Variants in TBX5 observed in about 807,000 individuals in gnomAD.
TBX5 encodes the protein T-box transcription factor TBX5.
TBX5 carries 8 observed loss-of-function variants against 51.1 expected under a neutral mutation model. The ratio of observed to expected loss-of-function variants is 0.16; its 90% confidence interval spans 0.09 to 0.28. The LOEUF is 0.28. Among genes scored for constraint, TBX5 ranks in the 10% least tolerant of loss-of-function variants. TBX5 has a pLI of 1.00. For missense variants in TBX5, 589 were observed against 671.7 expected (o/e 0.88, Z 1.36); for synonymous variants, 302 against 266.4 (o/e 1.13, Z -1.30).
intron 4 of TBX5, 107 bp downstream of exon 4, chr12:114,399,406 G>GTAGGAA: frequency 6.6e-7 from 1 of 1,506,274 alleles, no homozygotes; most frequent in South Asian, 1.1e-5. Context: ...TTAGCACACA[G>GTAGGAA]TAGGAACTAA....
intron 7 of TBX5, among the ~76,000 whole-genome samples, chr12:114,372,948 G>A (rs1412547652): frequency 6.7e-6 from 1 of 148,976 alleles, no homozygotes; most frequent in Non-Finnish European, 1.5e-5. Flanking sequence ...AAAATGAAAT[G>A]ATGCATGGAA....
At chr12:114,386,744 C>T (rs1870834825) in intron 6 of TBX5, among the ~76,000 whole-genome samples, 1 of 152,086 alleles carries the variant, frequency 6.6e-6, no homozygotes, top group African/African-American at 2.4e-5. Context: ...TTAACACAAA[C>T]CAGTACTGAA....
rs573129871 is a variant in TBX5, at chr12:114,363,462, C to T, written c.982+2703G>A. On this transcript the variant is annotated intron_variant, in intron 8 of 8. Coordinates refer to ENST00000405440, the MANE Select transcript of TBX5 (RefSeq NM_181486.4). ...TGTAAATATTGAACCTAAAAAGCAC[C>T]ATGATCCTTTTTAACTTCTTCCTGC... Among the ~76,000 whole-genome samples the T allele has an allele frequency of 3.9e-5, 6 of 152,300 alleles. No homozygotes were observed. The South Asian group carries it at 1.2e-3, about 32-fold the overall frequency.
chr12:114,380,488 TC>T (rs1271231314), intron 7 of TBX5, among the ~76,000 whole-genome samples: 1 of 152,214 alleles, frequency 6.6e-6, no homozygotes, highest in Non-Finnish European at 1.5e-5. Context: ...CTTCTTTTCT[TC>T]CTTTCTTAGA....
At chr12:114,401,968 G>A (rs1242467807) in intron 2 of TBX5, 48 bp from the exon 3 acceptor site, 3 of 1,543,016 alleles carry the variant, frequency 1.9e-6, no homozygotes, top group East Asian at 2.2e-5. Context: ...GGCAGTAGTG[G>A]GCATTCCTTC....
At chr12:114,387,747 C>A (rs1299466205) in intron 6 of TBX5, among the ~76,000 whole-genome samples, 1 of 152,110 alleles carries the variant, frequency 6.6e-6, no homozygotes. Context: ...GTGGGGGTGG[C>A]TGTGCATGTG....
intron 6 of TBX5, among the ~76,000 whole-genome samples, chr12:114,388,628 C>G (rs1361103123): frequency 6.6e-6 from 1 of 151,334 alleles, no homozygotes; most frequent in Non-Finnish European, 1.5e-5. Flanking sequence ...TACACATGAG[C>G]CACTATTCCT....
Position 114,385,456 on chromosome 12 carries a change from T to G in TBX5, c.755+20A>C. 6.2e-7 allele frequency: 1 copy of G among 1,606,576 alleles called. No homozygotes were observed. The highest frequency in any genetic ancestry group is 8.5e-7 in the Non-Finnish European group (1 of 1,173,168). ...GAGGGGTATGTGGGGAGGAGAAAGT[T>G]GAGGAATCCACTTTCCTACCTTTGC... On this transcript the variant is annotated intron_variant, in intron 7 of 8. Coordinates refer to ENST00000405440, the MANE Select transcript of TBX5 (RefSeq NM_181486.4).
At position 114,403,814 on chromosome 12, in the gene TBX5, C is replaced by A; in HGVS notation, c.85G>T (p.Glu29Ter). Residue 29 changes from glutamate (E) to a stop codon, truncating the protein, a stop_gained, in exon 2 of 9, where the codon GAG becomes TAG. Transcript: ENST00000405440. LOFTEE classifies it high-confidence loss of function. ...TTGCTGGGGGCCCCGAGCGCGCTCTCGGGTTTCGAATCGCAGGGCAGGTCT... is the reference window on the plus strand; with the variant it reads ...TTGCTGGGGGCCCCGAGCGCGCTCTAGGGTTTCGAATCGCAGGGCAGGTCT... ...AKDLPCDSKP[E>*]SALGAPSKSP... The A allele has an allele frequency of 1.2e-6, 2 of 1,614,052 alleles. No individual in the cohort carries two copies. The highest frequency in any genetic ancestry group is 8.5e-7 in the Non-Finnish European group (1 of 1,180,004).
intron 8 of TBX5, among the ~76,000 whole-genome samples, chr12:114,361,554 C>T (rs1257852118): frequency 6.6e-6 from 1 of 152,070 alleles, no homozygotes. Flanking sequence ...CTCAGTCCAT[C>T]GGGAGAGATA....
rs1868820868 is a variant in TBX5, at chr12:114,355,405, T to G, written c.*127A>C. On this transcript the variant is annotated 3_prime_UTR_variant, in exon 9 of 9. Coordinates refer to ENST00000405440, the MANE Select transcript of TBX5 (RefSeq NM_181486.4). ...CATCCAGCGACCTTGAGTGCAGATG[T>G]GAACATTGGGTGAAATGAAAAATCT... 10 of 1,223,288 alleles carry G rather than the reference T, an allele frequency of 8.2e-6. 1 individual carries two copies. The East Asian group carries it at 2.5e-4, about 31-fold the overall frequency. The allele number at this position is 1,223,288 out of a possible 1,614,324, so 75.8% of individuals were successfully genotyped here.
chr12:114,392,322 C>T (rs1420482363), intron 6 of TBX5, among the ~76,000 whole-genome samples: 1 of 152,030 alleles, frequency 6.6e-6, no homozygotes, highest in Non-Finnish European at 1.5e-5. Flanking sequence ...TCACAAATGG[C>T]TGCAGTGACA....
intron 7 of TBX5, among the ~76,000 whole-genome samples, chr12:114,380,187 GC>G (rs1442384090): frequency 6.6e-6 from 1 of 152,124 alleles, no homozygotes; most frequent in Non-Finnish European, 1.5e-5. Context: ...CCCAGCTCCA[GC>G]CCCTTTGGCT....
chr12:114,390,868 A>C (rs1240731185), intron 6 of TBX5, among the ~76,000 whole-genome samples: 1 of 152,254 alleles, frequency 6.6e-6, no homozygotes. Flanking sequence ...CGTGTTTCAC[A>C]GAATGAACGT....
At chr12:114,357,260 A>G (rs1410223159) in intron 8 of TBX5, among the ~76,000 whole-genome samples, 1 of 152,134 alleles carries the variant, frequency 6.6e-6, no homozygotes, top group Admixed American at 6.6e-5. Flanking sequence ...TCCTTTCACC[A>G]CTTCGGGGCC....
chr12:114,366,402 A>C lies in TBX5; in HGVS notation c.756-11T>G. 6.2e-7 allele frequency: 1 copy of C among 1,613,836 alleles called. No homozygotes were observed. The highest frequency in any genetic ancestry group is 1.1e-5 in the South Asian group (1 of 91,072). ...ACGGGATATTCTTTACTGAAAGAGA[A>C]AAGATGGGAGATAACGCCTATCAGT... is the stretch of plus-strand genomic sequence containing the variant. On this transcript the variant is annotated splice_polypyrimidine_tract_variant and intron_variant, in intron 7 of 8. Transcript: ENST00000405440.
intron 7 of TBX5, among the ~76,000 whole-genome samples, chr12:114,380,319 C>A (rs1310919748): frequency 1.3e-5 from 2 of 152,156 alleles, no homozygotes; most frequent in African/African-American, 2.4e-5. Flanking sequence ...ACTCTCAAGC[C>A]TTTCTTTGTA....
intron 1 of TBX5, among the ~76,000 whole-genome samples, chr12:114,404,688 AG>A (rs1167566855): frequency 6.6e-6 from 1 of 152,116 alleles, no homozygotes; most frequent in African/African-American, 2.4e-5. Context: ...AGCCGTTCCG[AG>A]GAAGGCTCGT....
intron 7 of TBX5, among the ~76,000 whole-genome samples, chr12:114,373,733 A>G (rs1870046368): frequency 6.6e-6 from 1 of 152,246 alleles, no homozygotes; most frequent in East Asian, 1.9e-4. Context: ...CTAGGATTAT[A>G]GGCATGAGCC....
Sources: gnomAD v4.1 joint callset for allele counts (sites outside exome capture counted in the v4.1 genomes callset) on GRCh38, gnomAD v4.1.1 for gene constraint, MANE v1.5 for transcripts, NCBI Gene and HGNC (gene_info 2026-07-23, HGNC 2026-07-21) for gene names.